Variants in RFC5 observed in about 807,000 individuals in gnomAD.
RFC5 encodes A1 36 kDa subunit.
RFC5 carries 26 observed loss-of-function variants against 44.3 expected under a neutral mutation model. The ratio of observed to expected loss-of-function variants is 0.59; its 90% CI spans 0.43 to 0.81. The LOEUF (loss-of-function observed/expected upper bound fraction) is 0.81. Among genes scored for constraint, RFC5 ranks in the 40% least tolerant of loss-of-function variants. The probability of loss-of-function intolerance (pLI) is 0.00; values close to 1 mark genes in which losing one functional copy is unlikely to be tolerated. For missense variants in RFC5, 328 were observed against 418.6 expected (o/e 0.78, Z 1.89); for synonymous variants, 155 against 155.2 (o/e 1.00, Z 0.01).
intron 5 of RFC5, 31 bp from the exon 6 acceptor site, chr12:118,024,820 G>A: frequency 6.3e-7 from 1 of 1,581,272 alleles, no homozygotes; most frequent in Non-Finnish European, 8.6e-7. Context: ...AATGGACTTT[G>A]ACATGAGGTG....
At chr12:118,036,804 C>G (rs1416478265), downstream of RFC5, among the ~76,000 whole-genome samples, 2 of 150,174 alleles carry the variant, frequency 1.3e-5, no homozygotes, top group Admixed American at 1.3e-4. Flanking sequence ...ACTTCTGAGT[C>G]TGCTTCTGAG....
downstream of RFC5, chr12:118,036,551 G>C: frequency 6.3e-7 from 1 of 1,577,002 alleles, no homozygotes; most frequent in Non-Finnish European, 8.6e-7. Flanking sequence ...CAGAAGCAAA[G>C]TGCTTAGGAC....
downstream of RFC5, chr12:118,036,162 A>T: frequency 1.4e-6 from 1 of 719,780 alleles, no homozygotes; most frequent in Non-Finnish European, 2.2e-6. Flanking sequence ...AGATTGCGCC[A>T]CTGCACTCCA....
chr12:118,027,841 G>A, intron 8 of RFC5, 112 bp from the exon 9 acceptor site: 1 of 695,414 alleles, frequency 1.4e-6, no homozygotes, highest in Admixed American at 2.1e-5. Flanking sequence ...AAACAGTTGT[G>A]TTGGGATTAA....
intron 9 of RFC5, 86 bp from the exon 10 acceptor site, chr12:118,029,685 G>C (rs2031186831): frequency 2.2e-6 from 2 of 895,634 alleles, no homozygotes; most frequent in African/African-American, 1.6e-5. Flanking sequence ...CAGTGTTAAG[G>C]ATTTCATGTT....
Position 118,031,184 on chromosome 12 carries a change from A to T in RFC5, c.929A>T (p.Tyr310Phe). ...HLLTKMADIE[Y>F]RLSVGTNEKI... ...ACCCTGTGTTTGGTTTCTGTTAGGTACAGGCTTTCTGTTGGCACCAACGAG... is the reference window on the plus strand; with the variant it reads ...ACCCTGTGTTTGGTTTCTGTTAGGTTCAGGCTTTCTGTTGGCACCAACGAG... Residue 310 changes from tyrosine (Y) to phenylalanine (F), a missense_variant and splice_region_variant, in exon 11 of 11, where the codon TAC becomes TTC. Coordinates refer to ENST00000454402, the MANE Select transcript of RFC5 (RefSeq NM_007370.7). The T allele has an allele frequency of 6.2e-7, 1 of 1,612,608 alleles. No individual in the cohort carries two copies.
chr12:118,035,054 A>C (rs761071374), downstream of RFC5: 3 of 1,614,216 alleles, frequency 1.9e-6, no homozygotes, highest in Non-Finnish European at 2.5e-6. Flanking sequence ...GAGCAAATGC[A>C]ATGGGAGTTT....
the RFC5 span, among the ~76,000 whole-genome samples, chr12:118,039,152 C>G: frequency 1.3e-5 from 2 of 152,112 alleles, no homozygotes; most frequent in East Asian, 3.9e-4. Flanking sequence ...CCAGCCTTGC[C>G]AGGATGTCCA....
the RFC5 span, among the ~76,000 whole-genome samples, chr12:118,041,423 G>A: frequency 6.6e-6 from 1 of 152,200 alleles, no homozygotes; most frequent in African/African-American, 2.4e-5. Context: ...AGAACTGTGA[G>A]AAATAAATGT....
intron 3 of RFC5, among the ~76,000 whole-genome samples, chr12:118,020,247 CCACCTGTAGGGTA>C (rs1049452519): frequency 6.6e-6 from 1 of 152,166 alleles, no homozygotes; most frequent in Admixed American, 6.5e-5. Context: ...GCAGCATGGC[CCACCTGTAGGGTA>C]CATCTCACAG....
Position 118,019,055 on chromosome 12 carries a change from A to T in RFC5, c.66-17A>T. On this transcript the variant is annotated splice_polypyrimidine_tract_variant and intron_variant, in intron 1 of 10. Coordinates refer to ENST00000454402, the MANE Select transcript of RFC5 (RefSeq NM_007370.7). This position sits in a 1 kb window ranked among gnomAD's most constrained non-coding sequence, Gnocchi z 4.2. Reference sequence around the variant, plus strand: ...TGCATTTATATATGTCATAATACATACTAAATTGTATTTCAGGGTTGAAAA... The same window carrying T: ...TGCATTTATATATGTCATAATACATTCTAAATTGTATTTCAGGGTTGAAAA... 1 of 1,559,990 alleles carries T rather than the reference A, an allele frequency of 6.4e-7. No individual in the cohort carries two copies. Among genetic ancestry groups the T allele is most frequent in the Non-Finnish European group, 8.8e-7 (1 of 1,131,004 alleles).
chr12:118,023,416 GGAGGA>G (rs1566123944), intron 5 of RFC5, among the ~76,000 whole-genome samples: 1 of 27,720 alleles, frequency 3.6e-5, no homozygotes, highest in Non-Finnish European at 6.2e-5. Flanking sequence ...GGAGGAGGGG[GGAGGA>G]GGGGAGGAAG....
At chr12:118,020,833 T>TTAGG in intron 3 of RFC5, 73 bp from the exon 4 acceptor site, 1 of 920,242 alleles carries the variant, frequency 1.1e-6, no homozygotes, top group Admixed American at 1.8e-5. Context: ...GATGAGGAAA[T>TTAGG]ACACTAACAC....
chr12:118,023,629 T>C (rs964201779), intron 5 of RFC5, among the ~76,000 whole-genome samples: 4 of 152,130 alleles, frequency 2.6e-5, no homozygotes, highest in East Asian at 1.9e-4. Context: ...TGTGAGAACA[T>C]TGGGTACCTA....
chr12:118,031,285 T>C lies in RFC5; in HGVS notation c.*7T>C, dbSNP rs750986758. On this transcript the variant is annotated 3_prime_UTR_variant, in exon 11 of 11. Transcript: ENST00000454402. ...GATTGTTGCAGAGGCCTAGATGCTC[T>C]GAGGGCCATTCACAATTCTCAGGGC... 2 of 1,579,202 alleles carry C rather than the reference T, an allele frequency of 1.3e-6. No homozygotes were observed. The highest frequency in any genetic ancestry group is 1.3e-5 in the African/African-American group (1 of 74,098).
At position 118,016,841 on chromosome 12, in the gene RFC5, C is replaced by T. The variant is rs1383392097; in HGVS notation, c.14C>T (p.Ala5Val). 6.2e-7 allele frequency: 1 copy of T among 1,613,466 alleles called. No homozygotes were observed. ...CGTCTCCCCGCCATGGAGACCTCAG[C>T]ACTCAAGCAGCAGGAGCAGCCCGCG... METS[A>V]LKQQEQPAAT... is the part of the protein sequence containing the mutation. The change falls in exon 1 of 11, where the codon GCA (alanine) becomes GTA (valine). Residue 5 changes from alanine (A) to valine (V), a missense_variant. Coordinates refer to ENST00000454402, the MANE Select transcript of RFC5 (RefSeq NM_007370.7).
chr12:118,031,042 TGCCATCCAGG>T, intron 10 of RFC5, 130 bp from the exon 11 acceptor site: 1 of 596,178 alleles, frequency 1.7e-6, no homozygotes, highest in Non-Finnish European at 3.1e-6. Context: ...CATACAAGAT[TGCCATCCAGG>T]GCACATTTGT....
chr12:118,018,864 T>G (rs1400346233), intron 1 of RFC5, among the ~76,000 whole-genome samples: 3 of 152,082 alleles, frequency 2.0e-5, no homozygotes, highest in African/African-American at 7.2e-5. Flanking sequence ...ACAAAGACCC[T>G]AGGAGGTACC....
chr12:118,036,541 C>T (rs1392281019), downstream of RFC5: 1 of 1,589,262 alleles, frequency 6.3e-7, no homozygotes, highest in African/African-American at 1.3e-5. Flanking sequence ...CTGGTTAGGG[C>T]AGAAGCAAAG....
Sources: allele counts gnomAD v4.1 joint callset (sites outside exome capture counted in the v4.1 genomes callset), GRCh38; gene constraint gnomAD v4.1.1; non-coding constraint Gnocchi (gnomAD v3.1); transcripts MANE v1.5; gene names NCBI Gene and HGNC (gene_info 2026-07-23, HGNC 2026-07-21).